The following PLXNC1 variants were observed in gnomAD, a reference collection of about 807,000 sequenced individuals.
PLXNC1 encodes plexin-C1.
A neutral mutation model predicts 178.2 loss-of-function variants in PLXNC1; 75 were observed. The ratio of observed to expected loss-of-function variants is 0.42; its 90% confidence interval spans 0.35 to 0.51. The LOEUF is 0.51. PLXNC1 is among the 20% of genes least tolerant of loss of function. PLXNC1 has a pLI of 0.02. For missense variants in PLXNC1, 1,503 were observed against 1,984.4 expected (o/e 0.76, Z 4.61); for synonymous variants, 790 against 779.9 (o/e 1.01, Z -0.22).
chr12:94,160,203 C>G (rs1224844108), intron 1 of PLXNC1, among the ~76,000 whole-genome samples: 2 of 152,124 alleles, frequency 1.3e-5, no homozygotes, highest in East Asian at 3.9e-4. Flanking sequence ...TCTGGCTCAT[C>G]TTTCTTTCCC....
chr12:94,189,210 A>G (rs1416149905), intron 4 of PLXNC1, among the ~76,000 whole-genome samples: 1 of 152,148 alleles, frequency 6.6e-6, no homozygotes, highest in Non-Finnish European at 1.5e-5. Context: ...TACATCAAGA[A>G]AGGAGAGAGT....
chr12:94,159,460 C>A lies in PLXNC1; in HGVS notation c.1062+9427C>A, dbSNP rs544922483. On this transcript the variant is annotated intron_variant, in intron 1 of 30. Coordinates refer to ENST00000258526, the MANE Select transcript of PLXNC1 (RefSeq NM_005761.3). ...AAAGGCCGGTTGCAGGTTTCCCTTG[C>A]AGATCTGGGAAGAGCAGTGCTGGCA... Among the ~76,000 whole-genome samples the A allele has an allele frequency of 3.3e-5, 5 of 152,198 alleles. No homozygotes were observed. The South Asian group carries it at 1.0e-3, about 32-fold the overall frequency.
chr12:94,216,868 G>A (rs1452956647), intron 5 of PLXNC1, among the ~76,000 whole-genome samples: 1 of 152,138 alleles, frequency 6.6e-6, no homozygotes, highest in Non-Finnish European at 1.5e-5. Context: ...TGCCCTTTAA[G>A]TCTTCACTCC....
intron 5 of PLXNC1, among the ~76,000 whole-genome samples, chr12:94,213,768 G>A (rs1377391078): frequency 6.6e-6 from 1 of 152,110 alleles, no homozygotes; most frequent in African/African-American, 2.4e-5. Flanking sequence ...TTTTCTTCTA[G>A]GGTTTTTATG....
chr12:94,254,595 C>A (rs757263814), intron 15 of PLXNC1, 192 bp from the exon 16 acceptor site: 5 of 692,586 alleles, frequency 7.2e-6, no homozygotes, highest in Non-Finnish European at 1.1e-5. Flanking sequence ...TCAGAGTGAC[C>A]CCTCACTGGG....
intron 21 of PLXNC1, among the ~76,000 whole-genome samples, chr12:94,270,637 G>C (rs978984695): frequency 4.1e-5 from 6 of 147,982 alleles, no homozygotes; most frequent in South Asian, 4.3e-4. Flanking sequence ...ACTAAAATCA[G>C]TTATCTTGGG....
chr12:94,258,635 T>C (rs1448452544), intron 17 of PLXNC1, among the ~76,000 whole-genome samples: 2 of 152,232 alleles, frequency 1.3e-5, no homozygotes, highest in Non-Finnish European at 2.9e-5. Flanking sequence ...GGTGATAGCA[T>C]TGTGGTCTAG....
At chr12:94,161,281 C>T (rs991883248) in intron 1 of PLXNC1, among the ~76,000 whole-genome samples, 1 of 152,142 alleles carries the variant, frequency 6.6e-6, no homozygotes, top group Non-Finnish European at 1.5e-5. Flanking sequence ...TTGTTCCCAT[C>T]TGTATTTTAC....
At chr12:94,297,557 T>A (rs1168072474) in intron 26 of PLXNC1, 134 bp downstream of exon 26, 1 of 641,796 alleles carries the variant, frequency 1.6e-6, no homozygotes, top group African/African-American at 1.8e-5. Context: ...AAGTTTAAAT[T>A]GTAAACACTT....
intron 2 of PLXNC1, 26 bp downstream of exon 2, chr12:94,169,319 T>A: frequency 6.2e-7 from 1 of 1,604,212 alleles, no homozygotes; most frequent in Non-Finnish European, 8.5e-7. Context: ...CTTCTTCAAA[T>A]GTCTATTTTA....
At chr12:94,211,638 C>T (rs529894717) in intron 5 of PLXNC1, among the ~76,000 whole-genome samples, 1 of 152,210 alleles carries the variant, frequency 6.6e-6, no homozygotes, top group African/African-American at 2.4e-5. Context: ...AACCTCTGTT[C>T]ACAGAAGCTT....
chr12:94,278,460 C>T (rs1255709690), intron 21 of PLXNC1, among the ~76,000 whole-genome samples: 1 of 152,214 alleles, frequency 6.6e-6, no homozygotes, highest in Non-Finnish European at 1.5e-5. Flanking sequence ...TCTGTGTTTT[C>T]ACACGTGCAC....
In PLXNC1 at chr12:94,149,911, G is replaced by A. The variant is rs765564792; in HGVS notation, c.940G>A (p.Ala314Thr). ...CTGGGCGGGAGTGTTCAGCGCGGCC[G>A]CTGGAGAGGGCCAGGAGCGGCGCTC... ...DVWAGVFSAA[A>T]GEGQERRSPT... Residue 314 changes from alanine to threonine, a missense_variant, in exon 1 of 31, where the codon GCT becomes ACT. Around this residue, in one of 4 missense-constraint regions of PLXNC1, gnomAD observed 615 missense variants for 698.6 expected, o/e 0.88. Coordinates refer to ENST00000258526, the MANE Select transcript of PLXNC1 (RefSeq NM_005761.3). 2 of 1,588,390 alleles carry A rather than the reference G, an allele frequency of 1.3e-6. No individual in the cohort carries two copies. Among genetic ancestry groups the A allele is most frequent in the East Asian group, 2.3e-5 (1 of 43,596 alleles).
chr12:94,173,863 T>G (rs557471472), intron 2 of PLXNC1, among the ~76,000 whole-genome samples: 4 of 152,270 alleles, frequency 2.6e-5, no homozygotes, highest in East Asian at 3.9e-4. Context: ...CCCAGCTGAG[T>G]GCAGAGCCCG....
At chr12:94,235,952 T>C (rs1207378250) in intron 9 of PLXNC1, among the ~76,000 whole-genome samples, 1 of 152,186 alleles carries the variant, frequency 6.6e-6, no homozygotes. Flanking sequence ...TAAACACTTG[T>C]TCTCTTAGCT....
At chr12:94,154,862 C>T (rs1961103452) in intron 1 of PLXNC1, among the ~76,000 whole-genome samples, 1 of 152,178 alleles carries the variant, frequency 6.6e-6, no homozygotes, top group Admixed American at 6.5e-5. Context: ...TGTTGAACCC[C>T]CCATACCTAG....
Position 94,150,171 on chromosome 12 carries a change from C to A in PLXNC1, c.1062+138C>A. 4.2e-6 allele frequency: 3 copies of A among 708,604 alleles called. 1 individual carries two copies. Among genetic ancestry groups the A allele is most frequent in the South Asian group, 4.0e-5 (2 of 49,540 alleles). 43.9% of individuals were successfully genotyped at this position (708,604 alleles called of 1,614,324 possible). A position where few individuals can be genotyped will look rare whatever the true frequency, so the allele number is the denominator to read the frequency against. On this transcript the variant is annotated intron_variant, in intron 1 of 30. Transcript: ENST00000258526. ...CATTTACCAGGTCTCAGGTTCACAC[C>A]GCGGGCGGCCGTCCGAAGGCTCCTC...
intron 14 of PLXNC1, among the ~76,000 whole-genome samples, chr12:94,250,843 A>AC (rs1299672356): frequency 2.0e-5 from 3 of 151,730 alleles, no homozygotes; most frequent in East Asian, 1.9e-4. Context: ...ACATAGTGAG[A>AC]CCCCGTCTCT....
intron 6 of PLXNC1, among the ~76,000 whole-genome samples, chr12:94,220,541 A>G (rs927832429): frequency 6.6e-6 from 1 of 152,342 alleles, no homozygotes; most frequent in Non-Finnish European, 1.5e-5. Flanking sequence ...AGTTCATTGC[A>G]TTCATACATC....
Sources: gnomAD v4.1 joint callset for allele counts (sites outside exome capture counted in the v4.1 genomes callset) on GRCh38, gnomAD v4.1.1 for gene constraint, gnomAD v4.1.1 regional missense constraint, MANE v1.5 for transcripts, NCBI Gene and HGNC (gene_info 2026-07-23, HGNC 2026-07-21) for gene names.